Variants in XKR6 observed in about 807,000 individuals in gnomAD.
XKR6 encodes XK related 6.
XKR6 carries 22 observed loss-of-function variants against 56.7 expected under a neutral mutation model. That is an observed-to-expected ratio of 0.39 (90% CI 0.28 to 0.55). The LOEUF (loss-of-function observed/expected upper bound fraction) is 0.55. Among genes scored for constraint, XKR6 ranks in the 20% least tolerant of loss-of-function variants. XKR6 has a pLI of 0.66. For missense variants in XKR6, 852 were observed against 889.0 expected, an observed-to-expected ratio of 0.96 and a Z score of 0.53; for synonymous variants, 524 against 387.8, an observed-to-expected ratio of 1.35 and a Z score of -4.13.
chr8:10,905,775 T>C (rs1800172201), intron 2 of XKR6, among the ~76,000 whole-genome samples: 1 of 152,146 alleles, frequency 6.6e-6, no homozygotes, highest in Admixed American at 6.6e-5. Flanking sequence ...ACAGCAATTC[T>C]TCCCCTTCCA....
intron 2 of XKR6, among the ~76,000 whole-genome samples, chr8:10,911,657 A>G (rs1347170131): frequency 6.8e-6 from 1 of 147,406 alleles, no homozygotes; most frequent in Non-Finnish European, 1.5e-5. Context: ...TAGAATATAT[A>G]TATATCTATA....
rs539326725 is a variant in XKR6, at chr8:10,947,549, G to A, written c.765-22719C>T. Among the ~76,000 whole-genome samples, 58 of 152,258 alleles carry A rather than the reference G, an allele frequency of 3.8e-4. 4 individuals are homozygous for A. The highest frequency in any genetic ancestry group is 1.7e-3 in the South Asian group (8 of 4,816). ...AGGAAGGTCAGAAAGGACCGAGAGG[G>A]CCCTGGTGATCAGGGAAGAGAAGCA... On this transcript the variant is annotated intron_variant, in intron 1 of 2. Coordinates refer to ENST00000416569, the MANE Select transcript of XKR6 (RefSeq NM_173683.4).
chr8:11,009,940 T>G (rs1238691509), intron 1 of XKR6, among the ~76,000 whole-genome samples: 11 of 152,206 alleles, frequency 7.2e-5, no homozygotes, highest in Non-Finnish European at 1.3e-4. Context: ...CTGTTCTAAA[T>G]TAAAGTGTTT....
intron 2 of XKR6, among the ~76,000 whole-genome samples, chr8:10,921,874 C>A (rs1161894847): frequency 1.3e-5 from 2 of 152,200 alleles, no homozygotes; most frequent in Non-Finnish European, 2.9e-5. Flanking sequence ...TTGAAGGTGT[C>A]CCCTCCAAAG....
intron 1 of XKR6, among the ~76,000 whole-genome samples, chr8:11,153,063 T>C (rs1430493810): frequency 6.6e-6 from 1 of 152,236 alleles, no homozygotes; most frequent in Non-Finnish European, 1.5e-5. Context: ...ACAATTAGAA[T>C]ACAATTAGAT....
At chr8:10,994,278 A>C (rs553427789) in intron 1 of XKR6, among the ~76,000 whole-genome samples, 7 of 152,150 alleles carry the variant, frequency 4.6e-5, no homozygotes, top group Admixed American at 3.9e-4. Flanking sequence ...GAGTTGCTGC[A>C]CTGTCTTCAG....
intron 1 of XKR6, chr8:11,124,092 T>C (rs1351799551): frequency 2.3e-6 from 1 of 440,294 alleles, no homozygotes; most frequent in Non-Finnish European, 4.6e-6. Context: ...CCTACTAACA[T>C]ACTATATTTT....
chr8:10,957,474 C>T (rs1368581758), intron 1 of XKR6, among the ~76,000 whole-genome samples: 1 of 152,188 alleles, frequency 6.6e-6, no homozygotes, highest in African/African-American at 2.4e-5. Context: ...GTGCCCCTCT[C>T]CCCACCTGCT....
chr8:11,016,344 T>G (rs998477775), intron 1 of XKR6, among the ~76,000 whole-genome samples: 1 of 152,188 alleles, frequency 6.6e-6, no homozygotes, highest in East Asian at 1.9e-4. Flanking sequence ...CGACTTGGCG[T>G]GCGGTGCTGA....
intron 1 of XKR6, among the ~76,000 whole-genome samples, chr8:11,152,848 C>T (rs757872040): frequency 1.5e-4 from 23 of 152,090 alleles, no homozygotes; most frequent in African/African-American, 2.9e-4. Flanking sequence ...GAGAAGTTTC[C>T]TATGCAGTCC....
rs373714179 is a variant in XKR6, at chr8:10,961,813, A to G, written c.765-36983T>C. On this transcript the variant is annotated intron_variant, in intron 1 of 2. Coordinates refer to ENST00000416569, the MANE Select transcript of XKR6 (RefSeq NM_173683.4). ...CAGTTCTTATGCCAGGCAGGAGTGAACCTGCCTTCCGAGGGGAACGTTGCC... is the reference window on the plus strand; with the variant it reads ...CAGTTCTTATGCCAGGCAGGAGTGAGCCTGCCTTCCGAGGGGAACGTTGCC... Among the ~76,000 whole-genome samples the G allele has an allele frequency of 3.9e-4, 59 of 152,296 alleles. 1 individual carries two copies. The East Asian group carries it at 0.011, about 29-fold the overall frequency.
In XKR6 at chr8:11,011,963, G is replaced by A. The variant is rs534856726; in HGVS notation, c.765-87133C>T. On this transcript the variant is annotated intron_variant, in intron 1 of 2. Coordinates refer to ENST00000416569, the MANE Select transcript of XKR6 (RefSeq NM_173683.4). ...TTGGAGATGGTGCAGGAGGTGGCAG[G>A]GAACAAATGAGCCAAAATGCTTCCA... is the stretch of plus-strand genomic sequence containing the variant. 2.0e-3 allele frequency among the ~76,000 whole-genome samples: 299 copies of A among 152,330 alleles called. 1 individual carries two copies. The highest frequency in any genetic ancestry group is 6.7e-3 in the African/African-American group (278 of 41,566).
chr8:10,908,439 C>T (rs1304854010), intron 2 of XKR6, among the ~76,000 whole-genome samples: 1 of 152,092 alleles, frequency 6.6e-6, no homozygotes, highest in Non-Finnish European at 1.5e-5. Flanking sequence ...CCAGGAATCT[C>T]TGCCTCCAAT....
At chr8:11,026,054 G>T (rs549884809) in intron 1 of XKR6, among the ~76,000 whole-genome samples, 2 of 152,132 alleles carry the variant, frequency 1.3e-5, no homozygotes, top group Non-Finnish European at 2.9e-5. Context: ...AATCAACAAC[G>T]GGGATACATT....
chr8:11,060,671 CA>C (rs373981293), intron 1 of XKR6, among the ~76,000 whole-genome samples: 1 of 152,336 alleles, frequency 6.6e-6, no homozygotes, highest in African/African-American at 2.4e-5. Flanking sequence ...ACAGGGAAGA[CA>C]AAGTGGACAG....
At chr8:10,966,812 G>C (rs181726286) in intron 1 of XKR6, among the ~76,000 whole-genome samples, 3 of 152,166 alleles carry the variant, frequency 2.0e-5, no homozygotes, top group African/African-American at 7.2e-5. Flanking sequence ...ATCCTGGGGC[G>C]CACTGACGTC....
At chr8:11,001,450 C>T (rs1253870229) in intron 1 of XKR6, among the ~76,000 whole-genome samples, 1 of 152,162 alleles carries the variant, frequency 6.6e-6, no homozygotes, top group African/African-American at 2.4e-5. Flanking sequence ...GCTAGACTCT[C>T]GAATATTCAA....
At chr8:11,177,221 C>G (rs1360998607) in intron 1 of XKR6, among the ~76,000 whole-genome samples, 1 of 152,208 alleles carries the variant, frequency 6.6e-6, no homozygotes, top group Non-Finnish European at 1.5e-5. Context: ...CCCACAGCTA[C>G]AAAGACTCTT....
chr8:10,901,657 T>C (rs934197592), intron 2 of XKR6, among the ~76,000 whole-genome samples: 2 of 152,116 alleles, frequency 1.3e-5, no homozygotes, highest in African/African-American at 4.8e-5. Flanking sequence ...GGGAGCTGGG[T>C]GGGAAGAAGG....
Sources: gnomAD v4.1 joint callset for allele counts (sites outside exome capture counted in the v4.1 genomes callset) on GRCh38, gnomAD v4.1.1 for gene constraint, MANE v1.5 for transcripts, NCBI Gene and HGNC (gene_info 2026-07-23, HGNC 2026-07-21) for gene names.